ADCY10: variants seen among roughly 807,000 people sequenced by gnomAD.
ADCY10 encodes the protein adenylate cyclase 10.
ADCY10 carries 156 observed loss-of-function variants against 183.3 expected under a neutral mutation model. That is an observed-to-expected ratio of 0.85 (90% CI 0.75 to 0.97). ADCY10 has a LOEUF of 0.97. ADCY10 is among the 50% of genes least tolerant of loss of function. The pLI is 0.00. For missense variants in ADCY10, 1,745 were observed against 1,934.3 expected (o/e 0.90, Z 1.84); for synonymous variants, 645 against 670.0 (o/e 0.96, Z 0.58).
At chr1:167,886,395 A>G (rs988791673) in intron 8 of ADCY10, among the ~76,000 whole-genome samples, 1 of 152,202 alleles carries the variant, frequency 6.6e-6, no homozygotes, top group African/African-American at 2.4e-5. Flanking sequence ...ATAATACCAC[A>G]CATCTACAAC....
intron 7 of ADCY10, among the ~76,000 whole-genome samples, chr1:167,896,352 A>T (rs896720830): frequency 6.6e-6 from 1 of 152,216 alleles, no homozygotes; most frequent in Non-Finnish European, 1.5e-5. Flanking sequence ...CCTAGGGGAT[A>T]CTTATTAATG....
At chr1:167,833,909 A>G (rs1663983809) in intron 24 of ADCY10, 61 bp downstream of exon 24, 6 of 1,308,122 alleles carry the variant, frequency 4.6e-6, no homozygotes, top group African/African-American at 4.4e-5. Flanking sequence ...GATGACTTCT[A>G]CTTCTATGGA....
rs55964745 is a variant in ADCY10 at position 167,824,892 on chromosome 1, G to A, written c.3751-37C>T. The A allele has an allele frequency of 0.068, 107,331 of 1,584,178 alleles. 4,180 individuals are homozygous for A. Among genetic ancestry groups the A allele is most frequent in the Non-Finnish European group, 0.079 (91,361 of 1,152,988 alleles). On this transcript the variant is annotated intron_variant, in intron 26 of 32. Coordinates refer to ENST00000367851, the MANE Select transcript of ADCY10 (RefSeq NM_018417.6). ...GAGTGGAGGAAGAGTGAGGCAGAAC[G>A]CAAAGCAGAAAGCTCAGGAACATCA...
intron 31 of ADCY10, among the ~76,000 whole-genome samples, chr1:167,816,948 A>C (rs1353503466): frequency 6.6e-6 from 1 of 152,248 alleles, no homozygotes; most frequent in Non-Finnish European, 1.5e-5. Context: ...GTTTGTTCAA[A>C]ATAACAGCAA....
At chr1:167,835,022 T>C (rs1338235264) in intron 23 of ADCY10, among the ~76,000 whole-genome samples, 1 of 152,236 alleles carries the variant, frequency 6.6e-6, no homozygotes, top group Non-Finnish European at 1.5e-5. Context: ...TTAGTGACAT[T>C]TTTAACAGTT....
chr1:167,809,736 T>G lies in ADCY10; in HGVS notation c.4775A>C (p.Gln1592Pro). 2 of 1,614,186 alleles carry G rather than the reference T, an allele frequency of 1.2e-6. No individual in the cohort carries two copies. The highest frequency in any genetic ancestry group is 1.7e-6 in the Non-Finnish European group (2 of 1,180,004). Residue 1592 changes from glutamine to proline, a missense_variant, in exon 33 of 33, where the codon CAG (glutamine) becomes CCG (proline). Coordinates refer to ENST00000367851, the MANE Select transcript of ADCY10 (RefSeq NM_018417.6). ...CAGGAATTTGTTTTTTTGAAGATCC[T>G]GAATGTTTACCCTGCCTGCTACAAT... ...EKIVAGRVNI[Q>P]DLQKNKFLMR...
intron 16 of ADCY10, among the ~76,000 whole-genome samples, chr1:167,858,902 A>G (rs1346725279): frequency 6.8e-6 from 1 of 147,658 alleles, no homozygotes; most frequent in Non-Finnish European, 1.5e-5. Context: ...GTCCAGGAAA[A>G]AATGATAAGA....
Position 167,859,799 on chromosome 1 carries a change from GCT to G in ADCY10, c.1896+6_1896+7del, listed in dbSNP as rs766919581. The G allele has an allele frequency of 1.9e-6, 3 of 1,608,320 alleles. No individual in the cohort carries two copies. Among genetic ancestry groups the G allele is most frequent in the Non-Finnish European group, 1.7e-6 (2 of 1,174,776 alleles). Reference sequence around the variant, plus strand: ...TCCCCCTACTTCTTGACCCACAGATGCTCTTACCAGCTTCAAGATCTTCATAA... The same window carrying G: ...TCCCCCTACTTCTTGACCCACAGATGCTTACCAGCTTCAAGATCTTCATAA... On this transcript the variant is annotated splice_donor_region_variant and intron_variant, in intron 16 of 32. Coordinates refer to ENST00000367851, the MANE Select transcript of ADCY10 (RefSeq NM_018417.6).
chr1:167,869,498 C>T (rs1298260310), intron 14 of ADCY10, among the ~76,000 whole-genome samples: 1 of 152,184 alleles, frequency 6.6e-6, no homozygotes, highest in African/African-American at 2.4e-5. Context: ...AGAAGCGAAA[C>T]TAAAGGCAGG....
In ADCY10 at chr1:167,818,061, A is replaced by G. The variant is rs1056133921; in HGVS notation, c.4482+11T>C. On this transcript the variant is annotated intron_variant, in intron 31 of 32. Transcript: ENST00000367851. ...CATATTTTATACTGGAAACTGGAGA[A>G]TAGGCCTCACCTTGAGTAGCTCCTC... 10 of 1,613,584 alleles carry G rather than the reference A, an allele frequency of 6.2e-6. No homozygotes were observed. The African/African-American group carries it at 1.2e-4, about 19-fold the overall frequency.
At position 167,846,035 on chromosome 1, in the gene ADCY10, G is replaced by A. The variant is rs1020791227; in HGVS notation, c.2666C>T (p.Ser889Leu). The A allele has an allele frequency of 6.2e-7, 1 of 1,614,226 alleles. No individual in the cohort carries two copies. Among genetic ancestry groups the A allele is most frequent in the Non-Finnish European group, 8.5e-7 (1 of 1,180,040 alleles). Reference protein sequence around the residue: ...LQKALKQNDPSFEVHYRSLSL... With the variant: ...LQKALKQNDPLFEVHYRSLSL... ...CAAGGAACGATAGTGCACCTCAAAT[G>A]AGGGATCATTCTGTTTCAGGGCCTT... The change falls in exon 20 of 33, where the codon TCA becomes TTA. Residue 889 changes from serine to leucine, a missense_variant. Ser to Leu is a moderately radical substitution (Grantham distance 145). Coordinates refer to ENST00000367851, the MANE Select transcript of ADCY10 (RefSeq NM_018417.6).
chr1:167,826,715 G>A lies in ADCY10; in HGVS notation c.3751-1860C>T, dbSNP rs533608147. On this transcript the variant is annotated intron_variant, in intron 26 of 32. Coordinates refer to ENST00000367851, the MANE Select transcript of ADCY10 (RefSeq NM_018417.6). Reference sequence around the variant, plus strand: ...TTGCTTCCAAGGGATTTACACACTGGTAAGGGAGAGAGACCAAGAACCAAT... The same window carrying A: ...TTGCTTCCAAGGGATTTACACACTGATAAGGGAGAGAGACCAAGAACCAAT... Among the ~76,000 whole-genome samples the A allele has an allele frequency of 7.9e-5, 12 of 152,300 alleles. No homozygotes were observed. The South Asian group carries it at 2.5e-3, about 32-fold the overall frequency.
intron 8 of ADCY10, among the ~76,000 whole-genome samples, chr1:167,893,368 T>C (rs1485592430): frequency 6.6e-6 from 1 of 152,218 alleles, no homozygotes; most frequent in African/African-American, 2.4e-5. Context: ...ATGATCTCTT[T>C]GAAAGTATTG....
At chr1:167,886,702 C>G (rs1274783491) in intron 8 of ADCY10, among the ~76,000 whole-genome samples, 2 of 152,128 alleles carry the variant, frequency 1.3e-5, no homozygotes, top group African/African-American at 4.8e-5. Context: ...CAAACAGGAT[C>G]CAATTAAACT....
chr1:167,863,415 C>A (rs1280328856), intron 14 of ADCY10, among the ~76,000 whole-genome samples: 7 of 152,146 alleles, frequency 4.6e-5, no homozygotes, highest in Non-Finnish European at 8.8e-5. Context: ...CTCATGCGGA[C>A]CCCCTTAGAG....
Position 167,903,884 on chromosome 1 carries a change from T to C in ADCY10, c.253+3A>G, listed in dbSNP as rs1270863669. 6.2e-7 allele frequency: 1 copy of C among 1,603,194 alleles called. No homozygotes were observed. Among genetic ancestry groups the C allele is most frequent in the East Asian group, 2.2e-5 (1 of 44,810 alleles). On this transcript the variant is annotated splice_donor_region_variant and intron_variant, in intron 3 of 32. Transcript: ENST00000367851. ...CAAGCCAGAAACCTATGGGAACACTTACTCTCCACTATTGCACTTATGTGG... is the reference window on the plus strand; with the variant it reads ...CAAGCCAGAAACCTATGGGAACACTCACTCTCCACTATTGCACTTATGTGG...
intron 23 of ADCY10, 110 bp downstream of exon 23, chr1:167,836,199 T>C: frequency 1.3e-6 from 1 of 756,338 alleles, no homozygotes; most frequent in Non-Finnish European, 2.4e-6. Flanking sequence ...AGGGGTGCTG[T>C]CGGGAATATA....
intron 28 of ADCY10, among the ~76,000 whole-genome samples, 162 bp from the exon 29 acceptor site, chr1:167,823,285 C>G: frequency 6.6e-6 from 1 of 151,742 alleles, no homozygotes; most frequent in African/African-American, 2.4e-5. Flanking sequence ...ATTAGCTGGG[C>G]ATGGTGGCGG....
At chr1:167,880,668 G>A in intron 9 of ADCY10, 59 bp from the exon 10 acceptor site, 1 of 1,312,808 alleles carries the variant, frequency 7.6e-7, no homozygotes, top group Non-Finnish European at 1.1e-6. Context: ...AACTGGACTG[G>A]CCAGAAGGCT....
Sources: gnomAD v4.1 joint callset for allele counts (sites outside exome capture counted in the v4.1 genomes callset) on GRCh38, gnomAD v4.1.1 for gene constraint, MANE v1.5 for transcripts, NCBI Gene and HGNC (gene_info 2026-07-23, HGNC 2026-07-21) for gene names.